Variants in TMTC1 observed in about 807,000 individuals in gnomAD.
The protein encoded by TMTC1 is protein O-mannosyl-transferase TMTC1.
In TMTC1, 73 loss-of-function variants were observed where a neutral mutation model predicts 104.8. The observed-to-expected ratio is 0.70, with a 90% CI of 0.58 to 0.85. The LOEUF (loss-of-function observed/expected upper bound fraction) is 0.85. Among genes scored for constraint, TMTC1 ranks in the 40% least tolerant of loss-of-function variants. The pLI is 0.00. For synonymous variants in TMTC1, 434 were observed against 428.7 expected, an observed-to-expected ratio of 1.01 and a Z score of -0.15; for missense variants, 1,035 against 1,096.1, an observed-to-expected ratio of 0.94 and a Z score of 0.79.
Position 29,648,888 on chromosome 12 carries a change from C to T in TMTC1, c.939-15552G>A, listed in dbSNP as rs1183751943. ...TTTTTCTTACTAAGTCTTCTAAATG[C>T]GGTGTGCCTTTACACTTCCAGCACA... is the stretch of plus-strand genomic sequence containing the variant. On this transcript the variant is annotated intron_variant, in intron 5 of 17. Coordinates refer to ENST00000539277, the MANE Select transcript of TMTC1 (RefSeq NM_001193451.2). Among the ~76,000 whole-genome samples the T allele has an allele frequency of 5.3e-5, 8 of 152,056 alleles. No homozygotes were observed. The East Asian group carries it at 5.8e-4, about 11-fold the overall frequency.
chr12:29,783,399 G>T lies in TMTC1; in HGVS notation c.302+51C>A. The T allele has an allele frequency of 7.9e-7, 1 of 1,261,888 alleles. No individual in the cohort carries two copies. The highest frequency in any genetic ancestry group is 1.0e-6 in the Non-Finnish European group (1 of 1,000,750). 78.2% of individuals were successfully genotyped at this position (1,261,888 alleles called of 1,614,324 possible). A position where few individuals can be genotyped will look rare whatever the true frequency, so the allele number is the denominator to read the frequency against. On this transcript the variant is annotated intron_variant, in intron 1 of 17. Coordinates refer to ENST00000539277, the MANE Select transcript of TMTC1 (RefSeq NM_001193451.2). This position sits in a 1 kb window ranked among gnomAD's most constrained non-coding sequence, Gnocchi z 4.7. ...CGCAACTTCTCCCGGTCCGAGGGAC[G>T]GGCGGAGGGTAGAGGAGGCAGCGGC...
intron 5 of TMTC1, among the ~76,000 whole-genome samples, chr12:29,670,680 G>A (rs1940469206): frequency 6.6e-6 from 1 of 152,108 alleles, no homozygotes; most frequent in Admixed American, 6.5e-5. Flanking sequence ...TGTGATCCCA[G>A]CACTGTGGGA....
At chr12:29,704,231 A>C (rs963418611) in intron 5 of TMTC1, among the ~76,000 whole-genome samples, 2 of 152,214 alleles carry the variant, frequency 1.3e-5, no homozygotes, top group African/African-American at 4.8e-5. Context: ...TAGTAGTACC[A>C]TGGTATTTTG....
intron 6 of TMTC1, among the ~76,000 whole-genome samples, chr12:29,624,463 C>T (rs1162148211): frequency 6.6e-5 from 10 of 152,264 alleles, no homozygotes; most frequent in Admixed American, 2.6e-4. Flanking sequence ...CACACAGTAT[C>T]GCACACACTC....
Position 29,557,017 on chromosome 12 carries a change from A to C in TMTC1, c.1533-17T>G, listed in dbSNP as rs374429452. On this transcript the variant is annotated splice_polypyrimidine_tract_variant and intron_variant, in intron 9 of 17. Coordinates refer to ENST00000539277, the MANE Select transcript of TMTC1 (RefSeq NM_001193451.2). ...GGATACAACCTGAAAAGTTAAAAAT[A>C]TTAAGCTGTGATGGTTCAAAAACTT... The C allele has an allele frequency of 8.7e-6, 14 of 1,613,394 alleles. No individual in the cohort carries two copies. The highest frequency in any genetic ancestry group is 2.7e-5 in the African/African-American group (2 of 74,924).
intron 9 of TMTC1, among the ~76,000 whole-genome samples, chr12:29,558,042 T>G (rs1408972521): frequency 6.6e-6 from 1 of 152,066 alleles, no homozygotes; most frequent in Non-Finnish European, 1.5e-5. Flanking sequence ...GAGGATGAGG[T>G]GGACATCAGT....
chr12:29,749,437 C>T (rs961659254), intron 5 of TMTC1, among the ~76,000 whole-genome samples: 1 of 152,104 alleles, frequency 6.6e-6, no homozygotes, highest in Non-Finnish European at 1.5e-5. Context: ...GAGCTGGCAA[C>T]ACATCTATGA....
At chr12:29,553,802 G>A (rs1278642231) in intron 10 of TMTC1, among the ~76,000 whole-genome samples, 1 of 152,134 alleles carries the variant, frequency 6.6e-6, no homozygotes, top group Non-Finnish European at 1.5e-5. Context: ...GTGATAAGAT[G>A]AAAATTGAAA....
chr12:29,601,636 G>C (rs1031979547), intron 7 of TMTC1, among the ~76,000 whole-genome samples: 1 of 152,082 alleles, frequency 6.6e-6, no homozygotes, highest in South Asian at 2.1e-4. Flanking sequence ...TAGTAGACAG[G>C]GATGTGTTTT....
At chr12:29,666,970 G>A (rs549790312) in intron 5 of TMTC1, among the ~76,000 whole-genome samples, 62 of 152,254 alleles carry the variant, frequency 4.1e-4, no homozygotes, top group Non-Finnish European at 7.6e-4. Flanking sequence ...TGGAATCAGA[G>A]CTTTTTCAAC....
chr12:29,767,832 A>G, intron 2 of TMTC1, 66 bp downstream of exon 2: 2 of 1,398,436 alleles, frequency 1.4e-6, no homozygotes, highest in Non-Finnish European at 2.0e-6. Context: ...GTGTGTGTAT[A>G]CACGTATACA....
rs113250976 is a variant in TMTC1, at chr12:29,658,064, C to G, written c.939-24728G>C. Among the ~76,000 whole-genome samples the G allele has an allele frequency of 6.4e-3, 975 of 152,110 alleles. 13 individuals are homozygous for G. The highest frequency in any genetic ancestry group is 0.023 in the African/African-American group (943 of 41,496). ...GCCGAGATCACGCCACTGCACTCCA[C>G]ACTGGGAGACAGAGTGAGACTCCAT... On this transcript the variant is annotated intron_variant, in intron 5 of 17. Coordinates refer to ENST00000539277, the MANE Select transcript of TMTC1 (RefSeq NM_001193451.2).
chr12:29,722,846 G>A (rs987915973), intron 5 of TMTC1, among the ~76,000 whole-genome samples: 8 of 149,976 alleles, frequency 5.3e-5, no homozygotes, highest in Admixed American at 1.4e-4. Context: ...ACTTGAACCC[G>A]GGAGGCAGAG....
chr12:29,692,877 A>T (rs115120369), intron 5 of TMTC1, among the ~76,000 whole-genome samples: 2,110 of 144,892 alleles, frequency 0.015, 243 homozygotes, highest in African/African-American at 0.051. Flanking sequence ...ATACTACATT[A>T]AAGAAGCCTG....
chr12:29,751,539 G>C (rs1044769903), intron 5 of TMTC1, 127 bp downstream of exon 5: 1 of 926,028 alleles, frequency 1.1e-6, no homozygotes, highest in African/African-American at 1.6e-5. Context: ...GGGGTAAGGA[G>C]GGAAGCATGA....
intron 9 of TMTC1, among the ~76,000 whole-genome samples, chr12:29,566,431 T>A (rs1039027280): frequency 2.6e-5 from 4 of 152,126 alleles, no homozygotes; most frequent in African/African-American, 9.7e-5. Context: ...GCTGGAGCCT[T>A]CTGAGCTCCA....
chr12:29,764,244 T>TA (rs754051720), intron 2 of TMTC1, among the ~76,000 whole-genome samples: 2 of 152,188 alleles, frequency 1.3e-5, no homozygotes, highest in Non-Finnish European at 2.9e-5. Context: ...AGGTTAACAA[T>TA]ATCACAGGCA....
At chr12:29,553,698 G>T (rs1406480751) in intron 10 of TMTC1, among the ~76,000 whole-genome samples, 1 of 152,254 alleles carries the variant, frequency 6.6e-6, no homozygotes, top group Non-Finnish European at 1.5e-5. Context: ...ATCCTGTGTT[G>T]GTTACCCAAT....
At chr12:29,598,138 G>C (rs887872590) in intron 7 of TMTC1, among the ~76,000 whole-genome samples, 1 of 152,170 alleles carries the variant, frequency 6.6e-6, no homozygotes, top group African/African-American at 2.4e-5. Flanking sequence ...GGGCTGCGTG[G>C]AGTCCTAGTT....
Sources: allele counts gnomAD v4.1 joint callset (sites outside exome capture counted in the v4.1 genomes callset), GRCh38; gene constraint gnomAD v4.1.1; non-coding constraint Gnocchi (gnomAD v3.1); transcripts MANE v1.5; gene names NCBI Gene and HGNC (gene_info 2026-07-23, HGNC 2026-07-21).